The following WDR70 variants were observed in gnomAD, a reference collection of about 807,000 sequenced individuals.
WDR70 encodes WD repeat-containing protein 70.
In WDR70, 53 loss-of-function variants were observed where a neutral mutation model predicts 88.6. The observed-to-expected ratio is 0.60, with a 90% confidence interval of 0.48 to 0.75. The LOEUF is 0.75. Ranked by LOEUF, WDR70 falls within the 30% of genes least tolerant of loss-of-function variation. WDR70 has a pLI of 0.00. For synonymous variants in WDR70, 280 were observed against 270.0 expected (o/e 1.04, Z -0.36); for missense variants, 610 against 823.2 (o/e 0.74, Z 3.17).
At chr5:37,708,328 A>G (rs569470946) in intron 13 of WDR70, among the ~76,000 whole-genome samples, 39 of 151,846 alleles carry the variant, frequency 2.6e-4, no homozygotes, top group Admixed American at 9.8e-4. Context: ...CTACAGTTTG[A>G]GAAAGTATAT....
At chr5:37,665,057 C>A (rs75059124) in intron 10 of WDR70, among the ~76,000 whole-genome samples, 1 of 152,256 alleles carries the variant, frequency 6.6e-6, no homozygotes, top group East Asian at 1.9e-4. Flanking sequence ...CCATGCATTC[C>A]TTTTTTAGTC....
chr5:37,530,122 A>G (rs1246058752), intron 9 of WDR70, among the ~76,000 whole-genome samples: 1 of 152,172 alleles, frequency 6.6e-6, no homozygotes, highest in Non-Finnish European at 1.5e-5. Context: ...GATGTATCAC[A>G]TTTATTGACT....
intron 10 of WDR70, among the ~76,000 whole-genome samples, chr5:37,636,759 T>C (rs1033503445): frequency 6.6e-6 from 1 of 152,144 alleles, no homozygotes; most frequent in African/African-American, 2.4e-5. Context: ...TTTTCACATG[T>C]CAAAATCATG....
chr5:37,446,599 C>T (rs1428694861), intron 7 of WDR70, among the ~76,000 whole-genome samples: 1 of 152,094 alleles, frequency 6.6e-6, no homozygotes, highest in African/African-American at 2.4e-5. Flanking sequence ...GAGATATAGA[C>T]CAATGGAACA....
At chr5:37,446,290 G>C (rs903616406) in intron 7 of WDR70, among the ~76,000 whole-genome samples, 2 of 152,018 alleles carry the variant, frequency 1.3e-5, no homozygotes, top group African/African-American at 4.8e-5. Flanking sequence ...AAATGAAAGA[G>C]GACACAAAGA....
At chr5:37,744,333 A>C (rs989101456) in intron 17 of WDR70, among the ~76,000 whole-genome samples, 2 of 110,726 alleles carry the variant, frequency 1.8e-5, no homozygotes, top group Non-Finnish European at 4.7e-5. Flanking sequence ...GAGTCAACAA[A>C]AAAATGCTGA....
chr5:37,632,600 G>A (rs1744847408), intron 10 of WDR70, among the ~76,000 whole-genome samples: 1 of 152,086 alleles, frequency 6.6e-6, no homozygotes, highest in Admixed American at 6.5e-5. Flanking sequence ...ATAGACAAAA[G>A]TTTATAGAGT....
intron 8 of WDR70, among the ~76,000 whole-genome samples, chr5:37,509,386 T>C (rs544624616): frequency 1.3e-5 from 2 of 152,136 alleles, no homozygotes; most frequent in East Asian, 3.9e-4. Flanking sequence ...TTTGAGACTT[T>C]TTTCTTACTG....
intron 9 of WDR70, among the ~76,000 whole-genome samples, chr5:37,526,800 A>G (rs868794841): frequency 6.6e-6 from 1 of 152,242 alleles, no homozygotes; most frequent in Non-Finnish European, 1.5e-5. Context: ...GGATCCAAAA[A>G]TCAACGTGCA....
At chr5:37,563,084 C>T (rs1359160410) in intron 9 of WDR70, among the ~76,000 whole-genome samples, 1 of 73,964 alleles carries the variant, frequency 1.4e-5, no homozygotes, top group African/African-American at 4.0e-5. Flanking sequence ...GGGCTGACCC[C>T]CCCCGCCTCC....
intron 10 of WDR70, among the ~76,000 whole-genome samples, chr5:37,679,292 G>T (rs1176742234): frequency 2.6e-5 from 4 of 152,062 alleles, no homozygotes; most frequent in Non-Finnish European, 4.4e-5. Context: ...CATTCCTTTG[G>T]AGGAGGAGAG....
intron 16 of WDR70, 101 bp from the exon 17 acceptor site, chr5:37,726,782 C>T: frequency 1.7e-6 from 2 of 1,203,738 alleles, no homozygotes; most frequent in Non-Finnish European, 2.2e-6. Flanking sequence ...AATTTAAGTA[C>T]TCTTGAGATT....
chr5:37,485,151 CT>C (rs1739817661), intron 8 of WDR70, among the ~76,000 whole-genome samples: 1 of 152,196 alleles, frequency 6.6e-6, no homozygotes, highest in Non-Finnish European at 1.5e-5. Context: ...GATTTTTACT[CT>C]TTTCCCCCAT....
In WDR70 at chr5:37,656,422, T is replaced by C. The variant is rs182593194; in HGVS notation, c.1093-41233T>C. On this transcript the variant is annotated intron_variant, in intron 10 of 17. Transcript: ENST00000265107. ...GTCTCCCAGTCAGGAGACACGGGGG[T>C]CAGGGACCCACTTGAGGAGGCAGTC... Among the ~76,000 whole-genome samples, 399 of 151,968 alleles carry C rather than the reference T, an allele frequency of 2.6e-3. 2 individuals are homozygous for C. The highest frequency in any genetic ancestry group is 9.3e-3 in the African/African-American group (387 of 41,448).
At chr5:37,391,476 C>CTAG (rs989539392) in intron 3 of WDR70, among the ~76,000 whole-genome samples, 1 of 152,166 alleles carries the variant, frequency 6.6e-6, no homozygotes, top group Non-Finnish European at 1.5e-5. Context: ...TTTGACTACT[C>CTAG]TAGATTACCT....
chr5:37,669,356 G>C (rs1745953837), intron 10 of WDR70, among the ~76,000 whole-genome samples: 1 of 151,446 alleles, frequency 6.6e-6, no homozygotes, highest in Non-Finnish European at 1.5e-5. Context: ...AGGAGAGAGG[G>C]AAGGGGGAAA....
intron 4 of WDR70, among the ~76,000 whole-genome samples, chr5:37,393,659 T>A (rs1748917293): frequency 6.6e-6 from 1 of 152,184 alleles, no homozygotes; most frequent in African/African-American, 2.4e-5. Flanking sequence ...TTTGTACAAT[T>A]TCCAAGGTTC....
chr5:37,583,234 G>A (rs942476971), intron 9 of WDR70, among the ~76,000 whole-genome samples: 4 of 152,058 alleles, frequency 2.6e-5, no homozygotes, highest in African/African-American at 7.2e-5. Flanking sequence ...AGACCATCCC[G>A]GCTAACACCG....
intron 9 of WDR70, among the ~76,000 whole-genome samples, chr5:37,551,522 G>A (rs1169639953): frequency 1.3e-5 from 2 of 151,894 alleles, no homozygotes; most frequent in Admixed American, 6.6e-5. Flanking sequence ...GAGGTCAGGA[G>A]TTCAAGACCA....
Sources: gnomAD v4.1 joint callset for allele counts (sites outside exome capture counted in the v4.1 genomes callset) on GRCh38, gnomAD v4.1.1 for gene constraint, MANE v1.5 for transcripts, NCBI Gene and HGNC (gene_info 2026-07-23, HGNC 2026-07-21) for gene names.